Variants in CNTNAP2 observed in about 807,000 individuals in gnomAD.
CNTNAP2 encodes contactin-associated protein-like 2.
In CNTNAP2, 98 loss-of-function variants were observed where a neutral mutation model predicts 155.2. The observed-to-expected ratio is 0.63, with a 90% confidence interval of 0.54 to 0.75. The LOEUF is 0.75. Among genes scored for constraint, CNTNAP2 ranks in the 30% least tolerant of loss-of-function variants. CNTNAP2 has a pLI of 0.00. For missense variants in CNTNAP2, 1,727 were observed against 1,688.1 expected (o/e 1.02, Z -0.40); for synonymous variants, 651 against 631.2 (o/e 1.03, Z -0.47).
chr7:146,263,089 C>T (rs996518391), intron 1 of CNTNAP2, among the ~76,000 whole-genome samples: 9 of 151,868 alleles, frequency 5.9e-5, no homozygotes, highest in African/African-American at 1.2e-4. Context: ...GAGGATGAGG[C>T]GGACAAATCA....
At chr7:146,239,781 G>C (rs1799530305) in intron 1 of CNTNAP2, among the ~76,000 whole-genome samples, 1 of 152,108 alleles carries the variant, frequency 6.6e-6, no homozygotes, top group African/African-American at 2.4e-5. Context: ...TCACATATCA[G>C]GCAAGCACTA....
chr7:147,260,094 T>A (rs1415315507), intron 8 of CNTNAP2, among the ~76,000 whole-genome samples: 1 of 152,112 alleles, frequency 6.6e-6, no homozygotes, highest in Non-Finnish European at 1.5e-5. Flanking sequence ...GCGGAAACTA[T>A]GGAAGAGATC....
intron 1 of CNTNAP2, among the ~76,000 whole-genome samples, chr7:146,287,090 TA>T (rs1295951882): frequency 6.6e-6 from 1 of 152,186 alleles, no homozygotes; most frequent in Admixed American, 6.5e-5. Context: ...GAACTTAAAG[TA>T]AAAGCAAATA....
At chr7:146,682,605 T>C (rs968292965) in intron 1 of CNTNAP2, among the ~76,000 whole-genome samples, 4 of 152,154 alleles carry the variant, frequency 2.6e-5, no homozygotes, top group African/African-American at 9.7e-5. Flanking sequence ...AGTTCCCTTT[T>C]TCAAGCAGTG....
chr7:147,297,039 G>A (rs1794831885), intron 8 of CNTNAP2, among the ~76,000 whole-genome samples: 1 of 152,164 alleles, frequency 6.6e-6, no homozygotes, highest in African/African-American at 2.4e-5. Context: ...TTAGGATGAT[G>A]GGGATTTCCA....
chr7:146,895,982 T>A (rs1416481455), intron 3 of CNTNAP2, among the ~76,000 whole-genome samples: 1 of 152,154 alleles, frequency 6.6e-6, no homozygotes, highest in African/African-American at 2.4e-5. Context: ...TACACCATAC[T>A]TAAGAAGTCA....
At chr7:148,019,805 G>A (rs953977919) in intron 15 of CNTNAP2, among the ~76,000 whole-genome samples, 1 of 151,708 alleles carries the variant, frequency 6.6e-6, no homozygotes, top group Admixed American at 6.6e-5. Context: ...AGGGTGAGGA[G>A]AATGGAGTTT....
chr7:148,164,504 C>T (rs1269976268), intron 17 of CNTNAP2, among the ~76,000 whole-genome samples: 1 of 151,990 alleles, frequency 6.6e-6, no homozygotes, highest in Non-Finnish European at 1.5e-5. Flanking sequence ...CAGTGGCGGG[C>T]TCAAGACCTC....
chr7:147,516,255 G>A (rs1327032021), intron 11 of CNTNAP2, among the ~76,000 whole-genome samples: 3 of 151,994 alleles, frequency 2.0e-5, no homozygotes, highest in African/African-American at 7.2e-5. Flanking sequence ...AGCTACTCAT[G>A]TGTAGAACAA....
intron 1 of CNTNAP2, among the ~76,000 whole-genome samples, chr7:146,184,534 A>C (rs1192905110): frequency 2.6e-5 from 4 of 152,192 alleles, no homozygotes; most frequent in African/African-American, 9.6e-5. Context: ...TTAATAGAAT[A>C]TATTTTAATT....
At chr7:146,426,325 G>A (rs1224539115) in intron 1 of CNTNAP2, among the ~76,000 whole-genome samples, 1 of 150,220 alleles carries the variant, frequency 6.7e-6, no homozygotes, top group Non-Finnish European at 1.5e-5. Context: ...GCTGTTTTAG[G>A]CTCACGTTTG....
intron 1 of CNTNAP2, among the ~76,000 whole-genome samples, chr7:146,497,571 CAT>C (rs974356940): frequency 2.6e-5 from 4 of 151,904 alleles, no homozygotes. Context: ...GTAAATCCCT[CAT>C]AATCCATATT....
intron 11 of CNTNAP2, among the ~76,000 whole-genome samples, chr7:147,491,653 A>G (rs1798611567): frequency 6.6e-6 from 1 of 152,210 alleles, no homozygotes; most frequent in Admixed American, 6.5e-5. Context: ...ACTGCCTCCA[A>G]GCATTCTTGA....
intron 8 of CNTNAP2, among the ~76,000 whole-genome samples, chr7:147,142,395 G>T (rs1277979658): frequency 2.0e-5 from 3 of 152,048 alleles, no homozygotes; most frequent in African/African-American, 7.2e-5. Flanking sequence ...TTCTTATATT[G>T]AACCAGCCTT....
chr7:148,390,236 T>C (rs1054014744), intron 22 of CNTNAP2, among the ~76,000 whole-genome samples: 6 of 152,132 alleles, frequency 3.9e-5, no homozygotes, highest in Non-Finnish European at 7.3e-5. Flanking sequence ...GGAGATGTTT[T>C]TACCTAAACT....
rs1554414673 is a variant in CNTNAP2, at chr7:148,301,306, A to AATATATAT, written c.3475+34190_3475+34197dup. 1.6e-3 allele frequency among the ~76,000 whole-genome samples: 162 copies of AATATATAT among 103,840 alleles called. 2 individuals are homozygous for AATATATAT. The highest frequency in any genetic ancestry group is 2.2e-3 in the Non-Finnish European group (115 of 51,928). The allele number at this position is 103,840 out of a possible 152,430, so 68.1% of individuals were successfully genotyped here. ...GAGACTCCGTCTAAAAAAAAAAAAA[A>AATATATAT]ATATATATATATATATAGGTTAAAA... On this transcript the variant is annotated intron_variant, in intron 21 of 23. Coordinates refer to ENST00000361727, the MANE Select transcript of CNTNAP2 (RefSeq NM_014141.6).
chr7:148,392,692 A>G (rs1451555797), intron 22 of CNTNAP2, among the ~76,000 whole-genome samples: 2 of 152,246 alleles, frequency 1.3e-5, no homozygotes, highest in Admixed American at 6.5e-5. Flanking sequence ...CACCTCCCCC[A>G]GAACCAAGGC....
At chr7:146,423,844 G>A (rs1796049133) in intron 1 of CNTNAP2, among the ~76,000 whole-genome samples, 1 of 152,094 alleles carries the variant, frequency 6.6e-6, no homozygotes, top group African/African-American at 2.4e-5. Flanking sequence ...TACAATATAA[G>A]AAGATAGGCT....
At position 147,828,955 on chromosome 7, in the gene CNTNAP2, C is replaced by G. The variant is rs116042768; in HGVS notation, c.2099-74610C>G. The stretch of plus-strand genomic sequence containing the variant: ...TGAAGAGTCTGTACTGCACATAGCA[C>G]TCTGCTAGGCACGAGTTTTCCTTGT... On this transcript the variant is annotated intron_variant, in intron 13 of 23. Coordinates refer to ENST00000361727, the MANE Select transcript of CNTNAP2 (RefSeq NM_014141.6). Among the ~76,000 whole-genome samples the G allele has an allele frequency of 2.4e-3, 359 of 152,276 alleles. 1 individual carries two copies. The highest frequency in any genetic ancestry group is 8.3e-3 in the African/African-American group (346 of 41,556).
Sources: allele counts gnomAD v4.1 joint callset (sites outside exome capture counted in the v4.1 genomes callset), GRCh38; gene constraint gnomAD v4.1.1; transcripts MANE v1.5; gene names NCBI Gene and HGNC (gene_info 2026-07-23, HGNC 2026-07-21).